Variants in CSMD1 observed in about 807,000 individuals in gnomAD.
The protein encoded by CSMD1 is CUB and Sushi multiple domains 1, also known as CUB and sushi domain-containing protein 1.
Under a neutral mutation model 417.5 loss-of-function variants are expected in CSMD1, and 213 were observed. The ratio of observed to expected loss-of-function variants is 0.51; its 90% CI spans 0.46 to 0.57. The LOEUF (loss-of-function observed/expected upper bound fraction) is 0.57. Ranked by LOEUF, CSMD1 falls within the 20% of genes least tolerant of loss-of-function variation. The pLI is 0.00. For synonymous variants in CSMD1, 2,862 were observed against 1,736.8 expected, an observed-to-expected ratio of 1.65 and a Z score of -16.11; for missense variants, 6,923 against 4,529.7, an observed-to-expected ratio of 1.53 and a Z score of -15.17.
rs1260131289 is a variant in CSMD1, at chr8:3,690,161, C to A, written c.1009+18253G>T. Among the ~76,000 whole-genome samples, 11 of 152,280 alleles carry A rather than the reference C, an allele frequency of 7.2e-5. No homozygotes were observed. In the East Asian group the frequency reaches 1.7e-3, roughly 24 times the overall value. On this transcript the variant is annotated intron_variant, in intron 7 of 69. Transcript: ENST00000635120. Reference sequence around the variant, plus strand: ...ATCACTTAAGCCCAGGAGTTTGAGACCAGCCTGGGCAACAGGGCAAGGCCC... The same window carrying A: ...ATCACTTAAGCCCAGGAGTTTGAGAACAGCCTGGGCAACAGGGCAAGGCCC...
chr8:4,563,965 T>G lies in CSMD1; in HGVS notation c.302+73377A>C, dbSNP rs149641819. On this transcript the variant is annotated intron_variant, in intron 2 of 69. Transcript: ENST00000635120. ...CCAGCAGAAGACTAAATATATTGTTTTAGCTGTTGAACATCTGCAGATTCC... is the reference window on the plus strand; with the variant it reads ...CCAGCAGAAGACTAAATATATTGTTGTAGCTGTTGAACATCTGCAGATTCC... Among the ~76,000 whole-genome samples the G allele has an allele frequency of 2.5e-3, 382 of 152,330 alleles. 1 individual carries two copies. Among genetic ancestry groups the G allele is most frequent in the African/African-American group, 7.8e-3 (325 of 41,576 alleles).
intron 1 of CSMD1, among the ~76,000 whole-genome samples, chr8:4,956,900 C>G (rs369035865): frequency 1.1e-3 from 171 of 152,274 alleles, no homozygotes; most frequent in African/African-American, 4.0e-3. Flanking sequence ...CCCAACCAGG[C>G]GCTCTCATTT....
Position 4,005,809 on chromosome 8 carries a change from G to C in CSMD1, c.611-7699C>G, listed in dbSNP as rs185326444. Reference sequence around the variant, plus strand: ...AGTGTCAGAATCTCATTTGCACTTGGCATTAACAGACCCCGGATTGCTAGC... The same window carrying C: ...AGTGTCAGAATCTCATTTGCACTTGCCATTAACAGACCCCGGATTGCTAGC... On this transcript the variant is annotated intron_variant, in intron 4 of 69. Transcript: ENST00000635120. Among the ~76,000 whole-genome samples the C allele has an allele frequency of 2.0e-3, 308 of 152,266 alleles. 2 individuals are homozygous for C. The highest frequency in any genetic ancestry group is 3.3e-3 in the Non-Finnish European group (227 of 68,020).
intron 8 of CSMD1, among the ~76,000 whole-genome samples, chr8:3,598,070 T>C (rs1448062294): frequency 2.6e-5 from 4 of 152,232 alleles, no homozygotes; most frequent in Admixed American, 2.0e-4. Flanking sequence ...ATACAGTTTA[T>C]TTTTCTCTAC....
At chr8:4,984,426 A>T (rs1811062542) in intron 1 of CSMD1, among the ~76,000 whole-genome samples, 1 of 152,198 alleles carries the variant, frequency 6.6e-6, no homozygotes, top group Admixed American at 6.5e-5. Flanking sequence ...AGAGCAATGA[A>T]TCAATGTCTG....
intron 41 of CSMD1, among the ~76,000 whole-genome samples, chr8:3,134,820 T>A (rs1817987977): frequency 6.6e-6 from 1 of 152,198 alleles, no homozygotes; most frequent in Non-Finnish European, 1.5e-5. Flanking sequence ...TCTCTGAGCC[T>A]CATTTTTCTT....
intron 1 of CSMD1, among the ~76,000 whole-genome samples, chr8:4,654,715 T>A (rs1233455255): frequency 1.3e-5 from 2 of 152,160 alleles, no homozygotes; most frequent in Non-Finnish European, 2.9e-5. Flanking sequence ...AGGTGTCTTA[T>A]TTCTCAATGC....
chr8:4,081,923 T>G (rs74378114), intron 3 of CSMD1, among the ~76,000 whole-genome samples: 2,716 of 152,270 alleles, frequency 0.018, 86 homozygotes, highest in African/African-American at 0.063. Flanking sequence ...GTGTGTAGCT[T>G]AAATACTTAT....
intron 1 of CSMD1, among the ~76,000 whole-genome samples, chr8:4,967,292 T>G (rs1809932110): frequency 6.6e-6 from 1 of 152,222 alleles, no homozygotes; most frequent in Non-Finnish European, 1.5e-5. Flanking sequence ...TGTAGCCATT[T>G]CAGGCATTTT....
At chr8:3,049,417 C>T (rs1446919231) in intron 50 of CSMD1, among the ~76,000 whole-genome samples, 1 of 152,096 alleles carries the variant, frequency 6.6e-6, no homozygotes, top group African/African-American at 2.4e-5. Flanking sequence ...GAAATGAGAG[C>T]TAGAGCCATG....
At chr8:4,357,518 C>T (rs578101704) in intron 3 of CSMD1, among the ~76,000 whole-genome samples, 28 of 152,238 alleles carry the variant, frequency 1.8e-4, no homozygotes, top group Non-Finnish European at 2.8e-4. Flanking sequence ...CTCTGCACTA[C>T]CATCTCTAAG....
intron 49 of CSMD1, among the ~76,000 whole-genome samples, chr8:3,086,706 C>A (rs1814557721): frequency 1.3e-5 from 2 of 152,092 alleles, no homozygotes. Context: ...AAATACAGAG[C>A]TTAGGGCTCA....
chr8:4,817,344 C>G (rs1799265863), intron 1 of CSMD1, among the ~76,000 whole-genome samples: 1 of 152,134 alleles, frequency 6.6e-6, no homozygotes, highest in South Asian at 2.1e-4. Context: ...TTTTAATATG[C>G]TAAGATAAAA....
At chr8:3,340,261 G>C (rs7007216) in intron 23 of CSMD1, among the ~76,000 whole-genome samples, 5,419 of 152,228 alleles carry the variant, frequency 0.036, 321 homozygotes, top group African/African-American at 0.12. Context: ...AAGAAGAGTA[G>C]AAGGAGCTAT....
At chr8:3,470,289 C>T (rs1208508918) in intron 11 of CSMD1, among the ~76,000 whole-genome samples, 1 of 152,150 alleles carries the variant, frequency 6.6e-6, no homozygotes, top group Non-Finnish European at 1.5e-5. Flanking sequence ...TCAATTTCTA[C>T]ATAGAATTTA....
intron 10 of CSMD1, among the ~76,000 whole-genome samples, chr8:3,548,388 C>G (rs1358294279): frequency 1.3e-5 from 2 of 151,980 alleles, no homozygotes; most frequent in African/African-American, 2.4e-5. Context: ...TTTTGGTGCA[C>G]TTATCACCTG....
chr8:3,635,793 C>CAAAAAAAAAAAAAAAAAAAAAAAAAA (rs752552617), intron 7 of CSMD1, among the ~76,000 whole-genome samples: 10 of 99,264 alleles, frequency 1.0e-4, no homozygotes, highest in African/African-American at 1.2e-4. Context: ...GCTTCCATCT[C>CAAAAAAAAAAAAAAAAAAAAAAAAAA]AAAAAAAAAA....
rs576569764 is a variant in CSMD1, at chr8:4,110,004, T to G, written c.416-77905A>C. ...TAACTAGAACCACAGAATCATCCTG[T>G]GTTAACTAAAATGATTAAGATAAAC... On this transcript the variant is annotated intron_variant, in intron 3 of 69. Coordinates refer to ENST00000635120, the MANE Select transcript of CSMD1 (RefSeq NM_033225.6). Among the ~76,000 whole-genome samples the G allele has an allele frequency of 3.9e-5, 6 of 152,262 alleles. No individual in the cohort carries two copies. The South Asian group carries it at 1.0e-3, about 26-fold the overall frequency.
chr8:4,215,457 T>A (rs1800609280), intron 3 of CSMD1, among the ~76,000 whole-genome samples: 1 of 151,818 alleles, frequency 6.6e-6, no homozygotes, highest in Admixed American at 6.6e-5. Flanking sequence ...CCTGAATATT[T>A]TACACTGAGA....
Sources: gnomAD v4.1 joint callset for allele counts (sites outside exome capture counted in the v4.1 genomes callset) on GRCh38, gnomAD v4.1.1 for gene constraint, MANE v1.5 for transcripts, NCBI Gene and HGNC (gene_info 2026-07-23, HGNC 2026-07-21) for gene names.